The following PCDHGA6 variants were observed in gnomAD, a reference collection of about 807,000 sequenced individuals.
PCDHGA6 encodes the protein protocadherin gamma-A6.
PCDHGA6 carries 41 observed loss-of-function variants against 60.6 expected under a neutral mutation model. The ratio of observed to expected loss-of-function variants is 0.68; its 90% CI spans 0.53 to 0.88. The LOEUF (loss-of-function observed/expected upper bound fraction) is 0.88. PCDHGA6 is among the 40% of genes least tolerant of loss of function. PCDHGA6 has a pLI of 0.00. For synonymous variants in PCDHGA6, 594 were observed against 524.4 expected (o/e 1.13, Z -1.81); for missense variants, 1,312 against 1,203.0 (o/e 1.09, Z -1.34).
chr5:141,455,660 G>A (rs1485792613), intron 1 of PCDHGA6, among the ~76,000 whole-genome samples: 1 of 152,134 alleles, frequency 6.6e-6, no homozygotes, highest in Non-Finnish European at 1.5e-5. Flanking sequence ...CCAGGAACTT[G>A]TGGGGCAAGG....
Position 141,476,091 on chromosome 5 carries a change from G to T in PCDHGA6, c.2425-18716G>T, listed in dbSNP as rs1470774975. The T allele has an allele frequency of 1.3e-6, 2 of 1,563,074 alleles. No homozygotes were observed. Among genetic ancestry groups the T allele is most frequent in the Non-Finnish European group, 1.7e-6 (2 of 1,159,286 alleles). On this transcript the variant is annotated intron_variant, in intron 1 of 3. Coordinates refer to ENST00000517434, the MANE Select transcript of PCDHGA6 (RefSeq NM_018919.3). This position sits in a 1 kb window ranked among gnomAD's most constrained non-coding sequence, Gnocchi z 7.6. ...AAATCTCAGGGACGATCTGGACCCC[G>T]CTGAGAGGAACTGCTTTTGAGTGAG...
In PCDHGA6 at chr5:141,477,857, C is replaced by A. The variant is rs548674958; in HGVS notation, c.2425-16950C>A. On this transcript the variant is annotated intron_variant, in intron 1 of 3. Transcript: ENST00000517434. The surrounding 1 kb of genome is among the most constrained non-coding windows in gnomAD (Gnocchi z 4.9). ...AGGTGGGAGCTCGGTGGAGATGCTG[C>A]CTCGAGGTACCTCAGCTGGCCACCT... 2.9e-5 allele frequency: 47 copies of A among 1,613,454 alleles called. No individual in the cohort carries two copies. In the South Asian group the frequency reaches 4.9e-4, roughly 17 times the overall value.
chr5:141,398,740 C>T, intron 1 of PCDHGA6: 1 of 1,613,864 alleles, frequency 6.2e-7, no homozygotes, highest in Non-Finnish European at 8.5e-7. Flanking sequence ...CCGGGAACAA[C>T]AGAGTTACCA....
At chr5:141,438,591 C>CATATATATATATATATATAT (rs946798767) in intron 1 of PCDHGA6, among the ~76,000 whole-genome samples, 1 of 75,562 alleles carries the variant, frequency 1.3e-5, no homozygotes, top group Non-Finnish European at 2.7e-5. Context: ...TACATACATA[C>CATATATATATATATATATAT]ATATATATAT....
chr5:141,448,806 G>A (rs1412164815), intron 1 of PCDHGA6, among the ~76,000 whole-genome samples: 1 of 152,008 alleles, frequency 6.6e-6, no homozygotes, highest in Admixed American at 6.5e-5. Context: ...TTAGCCAGGC[G>A]TGATGGCGGG....
In PCDHGA6 at chr5:141,491,257, G is replaced by A. The variant is rs754721047; in HGVS notation, c.2425-3550G>A. 2 of 1,614,170 alleles carry A rather than the reference G, an allele frequency of 1.2e-6. No individual in the cohort carries two copies. The highest frequency in any genetic ancestry group is 3.3e-5 in the Admixed American group (2 of 60,020). On this transcript the variant is annotated intron_variant, in intron 1 of 3. Coordinates refer to ENST00000517434, the MANE Select transcript of PCDHGA6 (RefSeq NM_018919.3). This position sits in a 1 kb window ranked among gnomAD's most constrained non-coding sequence, Gnocchi z 6.9. ...GGTTCTGGAGGATGAGGACCCTGAG[G>A]AAATGCCCAAATCCAGTGACTTCCT... is the stretch of plus-strand genomic sequence containing the variant.
intron 1 of PCDHGA6, among the ~76,000 whole-genome samples, chr5:141,483,203 A>T (rs940487337): frequency 1.3e-5 from 2 of 152,204 alleles, no homozygotes; most frequent in African/African-American, 2.4e-5. Flanking sequence ...ATTTTATTCC[A>T]TATAGATGAC....
At chr5:141,403,452 T>C (rs1482278011) in intron 1 of PCDHGA6, 15 of 1,613,988 alleles carry the variant, frequency 9.3e-6, no homozygotes, top group Non-Finnish European at 1.3e-5. Flanking sequence ...GTGAACTCCC[T>C]CCAGAGCTAC....
intron 1 of PCDHGA6, chr5:141,396,447 C>A: frequency 6.6e-6 from 1 of 152,186 alleles, no homozygotes. Flanking sequence ...GGTGAAACCC[C>A]GTCTCTACTA....
intron 1 of PCDHGA6, among the ~76,000 whole-genome samples, chr5:141,475,532 T>C (rs1011968434): frequency 6.6e-6 from 1 of 152,228 alleles, no homozygotes; most frequent in East Asian, 1.9e-4. Context: ...AAATGCCTCC[T>C]TACAAGTAGG....
intron 1 of PCDHGA6, chr5:141,400,474 G>A: frequency 6.2e-7 from 1 of 1,614,012 alleles, no homozygotes; most frequent in Non-Finnish European, 8.5e-7. Context: ...TTCATCTGGG[G>A]CCTTATTTCC....
chr5:141,399,274 C>T, intron 1 of PCDHGA6: 1 of 1,613,848 alleles, frequency 6.2e-7, no homozygotes, highest in Non-Finnish European at 8.5e-7. Context: ...TTGTCAATTA[C>T]AAGGCGAAGT....
Position 141,490,600 on chromosome 5 carries a change from T to G in PCDHGA6, c.2425-4207T>G. 6.2e-7 allele frequency: 1 copy of G among 1,614,164 alleles called. No homozygotes were observed. Among genetic ancestry groups the G allele is most frequent in the South Asian group, 1.1e-5 (1 of 91,072 alleles). ...AGATGTCAATGACAATGCACCCCGCTTCAACCAGCAGCTTTACACTGCTTA... is the reference window on the plus strand; with the variant it reads ...AGATGTCAATGACAATGCACCCCGCGTCAACCAGCAGCTTTACACTGCTTA... On this transcript the variant is annotated intron_variant, in intron 1 of 3. Coordinates refer to ENST00000517434, the MANE Select transcript of PCDHGA6 (RefSeq NM_018919.3). The surrounding 1 kb of genome is among the most constrained non-coding windows in gnomAD (Gnocchi z 5.4).
At position 141,486,622 on chromosome 5, in the gene PCDHGA6, C is replaced by T. The variant is rs1320329216; in HGVS notation, c.2425-8185C>T. On this transcript the variant is annotated intron_variant, in intron 1 of 3. Coordinates refer to ENST00000517434, the MANE Select transcript of PCDHGA6 (RefSeq NM_018919.3). The surrounding 1 kb of genome is among the most constrained non-coding windows in gnomAD (Gnocchi z 5.0). ...GCTCCCTTGCAGCCTCTGACCCAGACTCTGGCTTGAATGCGCTTATCTCCT... is the reference window on the plus strand; with the variant it reads ...GCTCCCTTGCAGCCTCTGACCCAGATTCTGGCTTGAATGCGCTTATCTCCT... 6.2e-7 allele frequency: 1 copy of T among 1,613,574 alleles called. No individual in the cohort carries two copies. The highest frequency in any genetic ancestry group is 8.5e-7 in the Non-Finnish European group (1 of 1,180,042).
At chr5:141,383,748 A>T in intron 1 of PCDHGA6, 1 of 1,613,970 alleles carries the variant, frequency 6.2e-7, no homozygotes, top group Non-Finnish European at 8.5e-7. Context: ...CTTTTCGGAA[A>T]ATAACTCCTA....
chr5:141,421,469 G>T (rs767500900), intron 1 of PCDHGA6: 1 of 1,614,122 alleles, frequency 6.2e-7, no homozygotes, highest in South Asian at 1.1e-5. Flanking sequence ...GTGAATCCGC[G>T]AAGCGGCAGC....
chr5:141,474,019 A>G (rs923131322), intron 1 of PCDHGA6, among the ~76,000 whole-genome samples: 4 of 152,134 alleles, frequency 2.6e-5, no homozygotes, highest in Non-Finnish European at 4.4e-5. Flanking sequence ...ACAGTGAGCT[A>G]TGATTATTCC....
At position 141,375,585 on chromosome 5, in the gene PCDHGA6, T is replaced by A. The variant is rs765334095; in HGVS notation, c.1502T>A (p.Leu501Gln). 3.1e-6 allele frequency: 5 copies of A among 1,614,014 alleles called. No individual in the cohort carries two copies. The African/African-American group carries it at 6.7e-5, about 22-fold the overall frequency. ...LAEDTLQGAP[L>Q]SSYVSINSDT... ...GAAGACACCCTCCAGGGGGCGCCCC[T>A]GTCCTCCTACGTGTCCATCAACTCC... The change falls in exon 1 of 4, where the codon CTG becomes CAG. Residue 501 changes from leucine (L) to glutamine (Q), a missense_variant. Physicochemically the swap from Leu to Gln is moderately radical, Grantham distance 113. Transcript: ENST00000517434.
chr5:141,407,599 AAAG>A (rs1328416590), intron 1 of PCDHGA6, among the ~76,000 whole-genome samples: 13 of 152,198 alleles, frequency 8.5e-5, no homozygotes, highest in Admixed American at 2.0e-4. Flanking sequence ...CTCATCTTAA[AAAG>A]AAGCATTGGT....
Sources: gnomAD v4.1 joint callset for allele counts (sites outside exome capture counted in the v4.1 genomes callset) on GRCh38, gnomAD v4.1.1 for gene constraint, Gnocchi (gnomAD v3.1) non-coding constraint, MANE v1.5 for transcripts, NCBI Gene and HGNC (gene_info 2026-07-23, HGNC 2026-07-21) for gene names.